ASPH: variants seen among roughly 807,000 people sequenced by gnomAD.
ASPH encodes aspartyl/asparaginyl beta-hydroxylase.
ASPH carries 100 observed loss-of-function variants against 118.4 expected under a neutral mutation model. That is an observed-to-expected ratio of 0.84 (90% CI 0.72 to 1.00). The LOEUF (loss-of-function observed/expected upper bound fraction) is 1.00, where lower values mean the gene tolerates loss of function less well. Among genes scored for constraint, ASPH ranks in the 50% least tolerant of loss-of-function variants. The pLI is 0.00. For missense variants in ASPH, 920 were observed against 919.5 expected (o/e 1.00, Z -0.01); for synonymous variants, 315 against 325.6 (o/e 0.97, Z 0.35).
At chr8:61,686,154 G>A (rs1399059735) in intron 1 of ASPH, among the ~76,000 whole-genome samples, 2 of 152,142 alleles carry the variant, frequency 1.3e-5, no homozygotes, top group African/African-American at 4.8e-5. Flanking sequence ...CTTACCAAAT[G>A]ACAAATGGCC....
At chr8:61,658,292 C>T (rs1275565896) in intron 3 of ASPH, 1 of 152,184 alleles carries the variant, frequency 6.6e-6, no homozygotes, top group Non-Finnish European at 1.5e-5. Context: ...TTCAAAGCAT[C>T]TTCAAGTAAC....
At chr8:61,620,342 A>G (rs1850476221) in intron 13 of ASPH, among the ~76,000 whole-genome samples, 1 of 152,216 alleles carries the variant, frequency 6.6e-6, no homozygotes, top group South Asian at 2.1e-4. Flanking sequence ...ACATAATTCC[A>G]AAGCATACTT....
chr8:61,540,200 TG>T (rs1821329410), intron 21 of ASPH, among the ~76,000 whole-genome samples: 1 of 152,196 alleles, frequency 6.6e-6, no homozygotes, highest in Non-Finnish European at 1.5e-5. Context: ...GGGGTGATAT[TG>T]TTTGGATGTA....
chr8:61,669,619 C>T (rs7812552), intron 3 of ASPH, among the ~76,000 whole-genome samples: 28,121 of 152,112 alleles, frequency 0.18, 2,741 homozygotes, highest in South Asian at 0.35. Context: ...CAAAACTATT[C>T]TCATAATACC....
intron 21 of ASPH, among the ~76,000 whole-genome samples, chr8:61,537,877 T>G (rs1820236649): frequency 6.6e-6 from 1 of 151,918 alleles, no homozygotes; most frequent in Non-Finnish European, 1.5e-5. Context: ...TGATTTTGCT[T>G]TCAGAAAAAA....
At chr8:61,593,688 T>C (rs1179606153) in intron 14 of ASPH, among the ~76,000 whole-genome samples, 1 of 152,166 alleles carries the variant, frequency 6.6e-6, no homozygotes, top group Non-Finnish European at 1.5e-5. Flanking sequence ...TCACTCCCCT[T>C]CTAGAGTAAT....
intron 18 of ASPH, among the ~76,000 whole-genome samples, chr8:61,562,168 C>A (rs1016919288): frequency 1.3e-5 from 2 of 152,126 alleles, no homozygotes; most frequent in African/African-American, 4.8e-5. Context: ...AAAGAAGTCA[C>A]ATTTCTCTAG....
intron 18 of ASPH, among the ~76,000 whole-genome samples, chr8:61,561,703 C>CA (rs1239989746): frequency 2.6e-5 from 4 of 152,072 alleles, no homozygotes; most frequent in Non-Finnish European, 5.9e-5. Context: ...GCAGGAGGGT[C>CA]ACTTGTGGCC....
At chr8:61,523,708 A>G (rs1029472838) in intron 22 of ASPH, among the ~76,000 whole-genome samples, 1 of 152,174 alleles carries the variant, frequency 6.6e-6, no homozygotes, top group Non-Finnish European at 1.5e-5. Flanking sequence ...CAAAGACCAT[A>G]AAGAACTTTA....
chr8:61,611,593 A>G (rs1847388425), intron 14 of ASPH, among the ~76,000 whole-genome samples: 1 of 152,218 alleles, frequency 6.6e-6, no homozygotes. Context: ...AGAGGAGATA[A>G]AAGTTCTACT....
At chr8:61,599,734 C>A (rs563506017) in intron 14 of ASPH, among the ~76,000 whole-genome samples, 2 of 151,526 alleles carry the variant, frequency 1.3e-5, no homozygotes, top group Non-Finnish European at 2.9e-5. Context: ...AAACAGAAAC[C>A]CTGAACAGAT....
chr8:61,615,652 A>G (rs1848765219), intron 14 of ASPH, among the ~76,000 whole-genome samples: 1 of 152,246 alleles, frequency 6.6e-6, no homozygotes, highest in Admixed American at 6.5e-5. Flanking sequence ...TAGTTCACAC[A>G]TTTTGTGACC....
chr8:61,689,538 G>T, intron 1 of ASPH: 2 of 805,914 alleles, frequency 2.5e-6, no homozygotes, highest in South Asian at 3.8e-5. Flanking sequence ...ATCTCCAGGA[G>T]TTCAAAATAG....
At chr8:61,531,070 C>T (rs1472388684) in intron 21 of ASPH, among the ~76,000 whole-genome samples, 1 of 152,150 alleles carries the variant, frequency 6.6e-6, no homozygotes, top group Non-Finnish European at 1.5e-5. Flanking sequence ...GTAATGATTA[C>T]ACTTCATGTC....
At chr8:61,611,260 T>G (rs1847260172) in intron 14 of ASPH, among the ~76,000 whole-genome samples, 1 of 152,254 alleles carries the variant, frequency 6.6e-6, no homozygotes, top group Admixed American at 6.5e-5. Flanking sequence ...TTTTGCTATA[T>G]GGACACAGCT....
rs1554618405 is a variant in ASPH, at chr8:61,539,699, G to GGGGTGTGTGTGTGTGTGT, written c.1764+8371_1764+8372insACACACACACACACACCC. ...TGTGATGGTCACCTAACACTTCTGG[G>GGGGTGTGTGTGTGTGTGT]GTGTGTGTGTGTGTGTGTGTGTGTG... On this transcript the variant is annotated intron_variant, in intron 21 of 24. Coordinates refer to ENST00000379454, the MANE Select transcript of ASPH (RefSeq NM_004318.4). Among the ~76,000 whole-genome samples the GGGGTGTGTGTGTGTGTGT allele has an allele frequency of 4.1e-3, 504 of 124,270 alleles. 4 individuals carry two copies. Among genetic ancestry groups the GGGGTGTGTGTGTGTGTGT allele is most frequent in the Middle Eastern group, 8.6e-3 (2 of 232 alleles). 81.5% of individuals were successfully genotyped at this position (124,270 alleles called of 152,430 possible).
intron 6 of ASPH, 124 bp downstream of exon 6, chr8:61,646,625 AG>A (rs1453824194): frequency 2.6e-6 from 3 of 1,159,324 alleles, no homozygotes; most frequent in Non-Finnish European, 3.4e-6. Context: ...TGAAGCTTTA[AG>A]CTTCAACTTT....
chr8:61,646,273 A>T (rs1215491683), intron 6 of ASPH, among the ~76,000 whole-genome samples: 1 of 152,218 alleles, frequency 6.6e-6, no homozygotes, highest in East Asian at 1.9e-4. Flanking sequence ...GTAGCTGAAC[A>T]GAGTCTGTAC....
At chr8:61,607,670 G>A (rs751198005) in intron 14 of ASPH, among the ~76,000 whole-genome samples, 4 of 151,910 alleles carry the variant, frequency 2.6e-5, no homozygotes, top group East Asian at 1.9e-4. Flanking sequence ...CCCATGAATC[G>A]GTCTATGGCA....
Sources: allele counts gnomAD v4.1 joint callset (sites outside exome capture counted in the v4.1 genomes callset), GRCh38; gene constraint gnomAD v4.1.1; transcripts MANE v1.5; gene names NCBI Gene and HGNC (gene_info 2026-07-23, HGNC 2026-07-21).